The following STRIP2 variants were observed in gnomAD, a reference collection of about 807,000 sequenced individuals.
STRIP2 encodes the protein striatin interacting protein 2.
A neutral mutation model predicts 107.1 loss-of-function variants in STRIP2; 84 were observed. The ratio of observed to expected loss-of-function variants is 0.78; its 90% CI spans 0.66 to 0.94. STRIP2 has a LOEUF of 0.94. STRIP2 is among the 40% of genes least tolerant of loss of function. The pLI, the probability that STRIP2 is intolerant of heterozygous loss-of-function variation, is 0.00. For missense variants in STRIP2, 888 were observed against 1,034.2 expected, an observed-to-expected ratio of 0.86 and a Z score of 1.94; for synonymous variants, 394 against 400.4, an observed-to-expected ratio of 0.98 and a Z score of 0.19.
rs981478993 is a variant in STRIP2 at position 129,464,317 on chromosome 7, C to T, written c.1649+176C>T. 4.3e-4 allele frequency among the ~76,000 whole-genome samples: 65 copies of T among 151,912 alleles called. 3 individuals are homozygous for T. Among genetic ancestry groups the T allele is most frequent in the Non-Finnish European group, 1.0e-4 (7 of 68,002 alleles). On this transcript the variant is annotated intron_variant, in intron 15 of 20. Coordinates refer to ENST00000249344, the MANE Select transcript of STRIP2 (RefSeq NM_020704.3). ...GCTTTCTGCTTGGCTCTTTTTAGCT[C>T]AGAACTCTGGATCTGGAGGGTGACA...
intron 16 of STRIP2, among the ~76,000 whole-genome samples, chr7:129,466,984 A>G (rs977646613): frequency 1.3e-5 from 2 of 152,210 alleles, no homozygotes; most frequent in African/African-American, 4.8e-5. Context: ...TGCTATATCA[A>G]TCACAGTTGA....
intron 14 of STRIP2, 41 bp from the exon 15 acceptor site, chr7:129,464,003 G>C (rs1333206471): frequency 6.6e-7 from 1 of 1,513,082 alleles, no homozygotes; most frequent in Non-Finnish European, 9.2e-7. Context: ...CTTGCTGAGT[G>C]GGTTTGACAG....
chr7:129,463,141 T>TG, intron 14 of STRIP2, 101 bp downstream of exon 14: 2 of 989,596 alleles, frequency 2.0e-6, no homozygotes, highest in Admixed American at 4.7e-5. Flanking sequence ...GCTTGTTTCC[T>TG]GAGCCTTTGC....
At chr7:129,434,644 G>T in intron 1 of STRIP2, 43 bp downstream of exon 1, 1 of 1,436,056 alleles carries the variant, frequency 7.0e-7, no homozygotes. Flanking sequence ...GGAGACGCCC[G>T]CCGGCGGGAA....
chr7:129,449,548 C>A (rs1326776884), intron 3 of STRIP2, among the ~76,000 whole-genome samples: 1 of 152,120 alleles, frequency 6.6e-6, no homozygotes, highest in African/African-American at 2.4e-5. Flanking sequence ...GAGATATTGC[C>A]ACTACTGGGG....
At chr7:129,479,269 T>G (rs1016264289) in intron 18 of STRIP2, among the ~76,000 whole-genome samples, 11 of 74,284 alleles carry the variant, frequency 1.5e-4, no homozygotes, top group African/African-American at 4.6e-4. Context: ...AGCAAAACTC[T>G]GTCTCAAAAA....
chr7:129,440,849 A>C (rs1797879812), intron 2 of STRIP2, among the ~76,000 whole-genome samples: 1 of 152,178 alleles, frequency 6.6e-6, no homozygotes, highest in Admixed American at 6.5e-5. Flanking sequence ...GTCACATGGA[A>C]GTGATACTTT....
At chr7:129,462,764 C>T (rs570156994) in intron 13 of STRIP2, among the ~76,000 whole-genome samples, 2 of 152,210 alleles carry the variant, frequency 1.3e-5, no homozygotes, top group African/African-American at 4.8e-5. Flanking sequence ...ACCTGATGGT[C>T]CTATTAAAGA....
At position 129,480,742 on chromosome 7, in the gene STRIP2, G is replaced by A. The variant is rs776882341; in HGVS notation, c.1945-43G>A. 6.7e-5 allele frequency: 102 copies of A among 1,532,510 alleles called. 1 individual carries two copies. Among genetic ancestry groups the A allele is most frequent in the Non-Finnish European group, 4.1e-5 (46 of 1,116,710 alleles). 94.9% of individuals were successfully genotyped at this position (1,532,510 alleles called of 1,614,324 possible). A position where few individuals can be genotyped will look rare whatever the true frequency, so the allele number is the denominator to read the frequency against. ...CTTCCAGGCTTCTGTGGGAATTAAA[G>A]CCTTGTAGGTATTAAGATAATGATG... On this transcript the variant is annotated intron_variant, in intron 18 of 20. Transcript: ENST00000249344.
chr7:129,451,468 A>T, intron 3 of STRIP2, 145 bp from the exon 4 acceptor site: 1 of 1,141,728 alleles, frequency 8.8e-7, no homozygotes, highest in Admixed American at 2.3e-5. Flanking sequence ...CCCATACCTT[A>T]TTCTTTCTCA....
intron 18 of STRIP2, among the ~76,000 whole-genome samples, chr7:129,476,245 C>G (rs1407392394): frequency 6.6e-6 from 1 of 151,384 alleles, no homozygotes; most frequent in African/African-American, 2.4e-5. Context: ...GGCTGCCCCC[C>G]ACCTCCCTCC....
intron 5 of STRIP2, 51 bp downstream of exon 5, chr7:129,453,398 G>A (rs1477147286): frequency 6.2e-7 from 1 of 1,608,554 alleles, no homozygotes; most frequent in Non-Finnish European, 8.5e-7. Flanking sequence ...ATTCCTTAAA[G>A]GGGCCTCATG....
chr7:129,476,823 C>T (rs1350142924), intron 18 of STRIP2, among the ~76,000 whole-genome samples: 5 of 152,006 alleles, frequency 3.3e-5, no homozygotes, highest in African/African-American at 4.8e-5. Flanking sequence ...CCAAGGCAGG[C>T]GGCTGGGAGG....
intron 19 of STRIP2, among the ~76,000 whole-genome samples, chr7:129,481,194 A>T (rs933971291): frequency 6.6e-6 from 1 of 152,166 alleles, no homozygotes; most frequent in African/African-American, 2.4e-5. Flanking sequence ...TCATTGCAAC[A>T]TTGTTTATAA....
chr7:129,449,907 T>A (rs952806141), intron 3 of STRIP2, among the ~76,000 whole-genome samples: 9 of 152,224 alleles, frequency 5.9e-5, no homozygotes, highest in African/African-American at 1.9e-4. Flanking sequence ...TTTTCTTTCA[T>A]CACTTTGTCC....
At position 129,444,041 on chromosome 7, in the gene STRIP2, G is replaced by A. The variant is rs1318494256; in HGVS notation, c.217G>A (p.Glu73Lys). Reference sequence around the variant, plus strand: ...TGCCACAGAATTGTATAGTTACACTGAGAACCTGGAATTCACCAATAACAG... The same window carrying A: ...TGCCACAGAATTGTATAGTTACACTAAGAACCTGGAATTCACCAATAACAG... ...AELSELYSYT[E>K]NLEFTNNRRC... is the part of the protein sequence containing the mutation. The change falls in exon 3 of 21, where the codon GAG becomes AAG. Residue 73 changes from glutamate to lysine, a missense_variant. Transcript: ENST00000249344. 6.2e-7 allele frequency: 1 copy of A among 1,613,616 alleles called. No homozygotes were observed. The highest frequency in any genetic ancestry group is 2.2e-5 in the East Asian group (1 of 44,884).
At chr7:129,482,374 TA>T (rs1282856284) in intron 19 of STRIP2, among the ~76,000 whole-genome samples, 3,234 of 88,936 alleles carry the variant, frequency 0.036, 69 homozygotes, top group East Asian at 0.074. Context: ...TATATATATA[TA>T]TATTTTTTTT....
rs1274074157 is a variant in STRIP2 at position 129,487,014 on chromosome 7, T to A, written c.*1185T>A. 7.7e-6 allele frequency: 1 copy of A among 130,152 alleles called. No individual in the cohort carries two copies. Among genetic ancestry groups the A allele is most frequent in the East Asian group, 2.2e-4 (1 of 4,602 alleles). 8.1% of individuals were successfully genotyped at this position (130,152 alleles called of 1,614,324 possible). ...TCATATGCTTTTTTTTTTTTTTTTT[T>A]TTTTTTTTTTTTTTTTGAGACAGAG... On this transcript the variant is annotated 3_prime_UTR_variant, in exon 21 of 21. Coordinates refer to ENST00000249344, the MANE Select transcript of STRIP2 (RefSeq NM_020704.3).
intron 3 of STRIP2, 88 bp from the exon 4 acceptor site, chr7:129,451,525 T>G: frequency 2.0e-6 from 3 of 1,487,210 alleles, no homozygotes; most frequent in Non-Finnish European, 2.7e-6. Context: ...GCAGGGGAGC[T>G]GAGATCAGAG....
Sources: allele counts gnomAD v4.1 joint callset (sites outside exome capture counted in the v4.1 genomes callset), GRCh38; gene constraint gnomAD v4.1.1; transcripts MANE v1.5; gene names NCBI Gene and HGNC (gene_info 2026-07-23, HGNC 2026-07-21).